The following CARMIL1 variants were observed in gnomAD, a reference collection of about 807,000 sequenced individuals.
CARMIL1 encodes the protein capping protein regulator and myosin 1 linker 1, also known as F-actin-uncapping protein LRRC16A.
Under a neutral mutation model 177.1 loss-of-function variants are expected in CARMIL1, and 90 were observed. The observed-to-expected ratio is 0.51, with a 90% confidence interval of 0.43 to 0.61. CARMIL1 has a LOEUF of 0.61. Ranked by LOEUF, CARMIL1 falls within the 20% of genes least tolerant of loss-of-function variation. The probability of loss-of-function intolerance (pLI) is 0.00; values close to 1 mark genes in which losing one functional copy is unlikely to be tolerated. For synonymous variants in CARMIL1, 577 were observed against 606.2 expected, an observed-to-expected ratio of 0.95 and a Z score of 0.71; for missense variants, 1,380 against 1,667.0, an observed-to-expected ratio of 0.83 and a Z score of 3.00.
At chr6:25,464,752 G>A (rs1189686522) in intron 8 of CARMIL1, among the ~76,000 whole-genome samples, 4 of 152,174 alleles carry the variant, frequency 2.6e-5, no homozygotes, top group African/African-American at 9.7e-5. Flanking sequence ...AAAGGGAGGT[G>A]GGGTTTGACC....
intron 29 of CARMIL1, among the ~76,000 whole-genome samples, chr6:25,573,354 A>G (rs900873113): frequency 6.6e-6 from 1 of 152,154 alleles, no homozygotes; most frequent in African/African-American, 2.4e-5. Context: ...AGGATGCTAT[A>G]GTAAATTTCT....
At chr6:25,585,412 G>A (rs77826374) in intron 31 of CARMIL1, among the ~76,000 whole-genome samples, 2,957 of 152,276 alleles carry the variant, frequency 0.019, 81 homozygotes, top group African/African-American at 0.061. Context: ...AGAATTGTCA[G>A]CGCCAAGGCT....
intron 29 of CARMIL1, among the ~76,000 whole-genome samples, chr6:25,578,324 C>CT (rs1812787908): frequency 6.6e-6 from 1 of 152,094 alleles, no homozygotes; most frequent in African/African-American, 2.4e-5. Context: ...AGATTGTTTT[C>CT]TTTTTCTGGG....
chr6:25,280,918 G>A (rs533516086), intron 1 of CARMIL1, among the ~76,000 whole-genome samples: 5 of 151,924 alleles, frequency 3.3e-5, no homozygotes, highest in Non-Finnish European at 7.4e-5. Flanking sequence ...TGTGGAATTT[G>A]CCCCTCTGTT....
intron 2 of CARMIL1, among the ~76,000 whole-genome samples, chr6:25,328,052 T>C (rs182798263): frequency 6.6e-6 from 1 of 152,358 alleles, no homozygotes; most frequent in African/African-American, 2.4e-5. Context: ...TATTATTTCA[T>C]TTAATTCCCA....
chr6:25,304,085 C>G (rs1346954691), intron 2 of CARMIL1, among the ~76,000 whole-genome samples: 2 of 152,210 alleles, frequency 1.3e-5, no homozygotes, highest in Non-Finnish European at 2.9e-5. Context: ...ATATTATGAG[C>G]CTGCTGCCCC....
At chr6:25,289,817 A>G (rs564350344) in intron 2 of CARMIL1, among the ~76,000 whole-genome samples, 2 of 152,320 alleles carry the variant, frequency 1.3e-5, no homozygotes, top group South Asian at 2.1e-4. Context: ...TGGTTTAGCC[A>G]TTGGCTAGTT....
At chr6:25,321,632 TTTTA>T (rs1379446569) in intron 2 of CARMIL1, among the ~76,000 whole-genome samples, 1 of 151,978 alleles carries the variant, frequency 6.6e-6, no homozygotes, top group Non-Finnish European at 1.5e-5. Flanking sequence ...TTTTAATTAA[TTTTA>T]TTTATTTCAC....
Position 25,527,881 on chromosome 6 carries a change from G to A in CARMIL1, c.1969-914G>A, listed in dbSNP as rs555931607. 3.0e-4 allele frequency among the ~76,000 whole-genome samples: 45 copies of A among 152,316 alleles called. 1 individual carries two copies. Among genetic ancestry groups the A allele is most frequent in the African/African-American group, 1.0e-3 (43 of 41,590 alleles). ...CTTAGCGCTTCAGAGTTATTAGTTA[G>A]TTCTTAACCAGGGAACTGCTGTGGC... is the stretch of plus-strand genomic sequence containing the variant. On this transcript the variant is annotated intron_variant, in intron 23 of 36. Coordinates refer to ENST00000329474, the MANE Select transcript of CARMIL1 (RefSeq NM_017640.6).
intron 29 of CARMIL1, among the ~76,000 whole-genome samples, chr6:25,578,701 C>T (rs1207628252): frequency 1.3e-5 from 2 of 152,046 alleles, no homozygotes; most frequent in African/African-American, 4.8e-5. Context: ...AGCCTGATTA[C>T]AAATTCTATT....
At chr6:25,423,775 T>TTTA in intron 3 of CARMIL1, among the ~76,000 whole-genome samples, 1 of 152,182 alleles carries the variant, frequency 6.6e-6, no homozygotes, top group South Asian at 2.1e-4. Context: ...GTTAAGTTTT[T>TTTA]CCTCTTATCT....
At chr6:25,581,544 G>A in intron 31 of CARMIL1, 105 bp downstream of exon 31, 2 of 1,049,448 alleles carry the variant, frequency 1.9e-6, no homozygotes, top group Non-Finnish European at 2.7e-6. Flanking sequence ...GAAAGCTATG[G>A]TTAAGGAGAC....
chr6:25,401,444 A>G (rs1793878121), intron 2 of CARMIL1, among the ~76,000 whole-genome samples: 1 of 152,214 alleles, frequency 6.6e-6, no homozygotes, highest in Non-Finnish European at 1.5e-5. Flanking sequence ...AGACACAGGA[A>G]CTCAAGCTCG....
intron 2 of CARMIL1, among the ~76,000 whole-genome samples, chr6:25,362,110 A>G (rs1283838282): frequency 2.0e-5 from 3 of 152,242 alleles, no homozygotes; most frequent in Non-Finnish European, 4.4e-5. Flanking sequence ...TAATCACATC[A>G]GCTTGTTAAC....
chr6:25,429,562 G>A (rs372659056), intron 4 of CARMIL1, among the ~76,000 whole-genome samples: 77 of 152,230 alleles, frequency 5.1e-4, no homozygotes, highest in Middle Eastern at 3.4e-3. Context: ...TTGAGGGAAC[G>A]CATTCATTCT....
chr6:25,306,426 G>A (rs1783271096), intron 2 of CARMIL1, among the ~76,000 whole-genome samples: 3 of 152,084 alleles, frequency 2.0e-5, no homozygotes, highest in Admixed American at 6.6e-5. Flanking sequence ...TAGGCTGTGT[G>A]CTCCATATGA....
intron 2 of CARMIL1, among the ~76,000 whole-genome samples, chr6:25,357,775 A>G (rs1788782725): frequency 6.6e-6 from 1 of 152,150 alleles, no homozygotes; most frequent in Non-Finnish European, 1.5e-5. Context: ...CTTAAGTTAA[A>G]AGTGCCTTTT....
intron 8 of CARMIL1, among the ~76,000 whole-genome samples, chr6:25,459,273 T>TCTTTCTTTC (rs1390647134): frequency 7.5e-6 from 1 of 132,840 alleles, no homozygotes; most frequent in Non-Finnish European, 1.6e-5. Flanking sequence ...TTTCTTTTTT[T>TCTTTCTTTC]TTTTTTTAAG....
At position 25,323,907 on chromosome 6, in the gene CARMIL1, G is replaced by A. The variant is rs543776478; in HGVS notation, c.138+38998G>A. 1.1e-4 allele frequency among the ~76,000 whole-genome samples: 16 copies of A among 152,242 alleles called. No homozygotes were observed. The South Asian group carries it at 3.3e-3, about 32-fold the overall frequency. The stretch of plus-strand genomic sequence containing the variant: ...AGATTAAAGATAATTTAGGATTTAG[G>A]GTGTTTTGATTTTCTAGCTCATAAA... On this transcript the variant is annotated intron_variant, in intron 2 of 36. Coordinates refer to ENST00000329474, the MANE Select transcript of CARMIL1 (RefSeq NM_017640.6).
Sources: allele counts gnomAD v4.1 joint callset (sites outside exome capture counted in the v4.1 genomes callset), GRCh38; gene constraint gnomAD v4.1.1; transcripts MANE v1.5; gene names NCBI Gene and HGNC (gene_info 2026-07-23, HGNC 2026-07-21).